IGSF11: variants seen among roughly 807,000 people sequenced by gnomAD.
The protein encoded by IGSF11 is CXADR like 1.
In IGSF11, 22 loss-of-function variants were observed where a neutral mutation model predicts 41.0. The ratio of observed to expected loss-of-function variants is 0.54; its 90% CI spans 0.38 to 0.77. IGSF11 has a LOEUF of 0.77. Among genes scored for constraint, IGSF11 ranks in the 30% least tolerant of loss-of-function variants. IGSF11 has a pLI of 0.00. For synonymous variants in IGSF11, 219 were observed against 201.3 expected (o/e 1.09, Z -0.74); for missense variants, 444 against 530.8 (o/e 0.84, Z 1.61).
At chr3:118,910,990 T>A (rs74540413) in intron 4 of IGSF11, among the ~76,000 whole-genome samples, 4,038 of 152,184 alleles carry the variant, frequency 0.027, 163 homozygotes, top group African/African-American at 0.092. Flanking sequence ...GCTATGATTT[T>A]CTCTTTATAT....
At chr3:118,988,569 GA>G (rs1454874035) in intron 1 of IGSF11, among the ~76,000 whole-genome samples, 5 of 152,116 alleles carry the variant, frequency 3.3e-5, no homozygotes, top group Non-Finnish European at 7.3e-5. Context: ...ATTGATTAAC[GA>G]TCTTTGATTA....
intron 1 of IGSF11, among the ~76,000 whole-genome samples, chr3:119,029,225 G>A (rs1210214535): frequency 9.0e-6 from 1 of 111,056 alleles, no homozygotes; most frequent in Non-Finnish European, 1.8e-5. Context: ...ACATGGTACT[G>A]CCTTTTGGGA....
At chr3:119,128,990 A>C (rs1388328630) in intron 1 of IGSF11, among the ~76,000 whole-genome samples, 1 of 152,264 alleles carries the variant, frequency 6.6e-6, no homozygotes, top group African/African-American at 2.4e-5. Context: ...GCCATAAAAA[A>C]TGAGATCGTG....
chr3:119,071,657 T>G (rs2076401996), intron 1 of IGSF11, among the ~76,000 whole-genome samples: 1 of 152,238 alleles, frequency 6.6e-6, no homozygotes, highest in Admixed American at 6.5e-5. Flanking sequence ...ATATAATTTC[T>G]GGACTTCTCA....
intron 1 of IGSF11, among the ~76,000 whole-genome samples, chr3:119,078,760 A>G (rs1026400139): frequency 2.0e-5 from 3 of 152,188 alleles, no homozygotes; most frequent in Non-Finnish European, 2.9e-5. Flanking sequence ...AAACAAAACT[A>G]TCAACAGAGC....
chr3:119,053,665 AT>A (rs1335263656), intron 1 of IGSF11, among the ~76,000 whole-genome samples: 3 of 152,180 alleles, frequency 2.0e-5, no homozygotes, highest in Non-Finnish European at 4.4e-5. Flanking sequence ...AGAAAAAATA[AT>A]CCTAAAATTT....
chr3:118,942,198 A>AC (rs1943749308), intron 1 of IGSF11, among the ~76,000 whole-genome samples: 1 of 152,236 alleles, frequency 6.6e-6, no homozygotes, highest in Non-Finnish European at 1.5e-5. Context: ...GAATCATGGA[A>AC]ATGGCTTGAA....
At chr3:119,122,928 G>C (rs1214449140) in intron 1 of IGSF11, among the ~76,000 whole-genome samples, 1 of 152,196 alleles carries the variant, frequency 6.6e-6, no homozygotes, top group African/African-American at 2.4e-5. Context: ...AGCTGTGGTG[G>C]CTATGGTGAG....
intron 1 of IGSF11, among the ~76,000 whole-genome samples, chr3:119,137,440 G>C (rs1457873027): frequency 6.6e-6 from 1 of 152,084 alleles, no homozygotes; most frequent in African/African-American, 2.4e-5. Context: ...ATTCATTTTT[G>C]ACAAAGTTTC....
At chr3:118,949,393 T>C (rs1944413094) in intron 1 of IGSF11, 1 of 149,214 alleles carries the variant, frequency 6.7e-6, no homozygotes, top group Non-Finnish European at 1.5e-5. Context: ...ACCCTATAGG[T>C]AGTCTGACCA....
chr3:118,998,427 A>C (rs1309598671), intron 1 of IGSF11, among the ~76,000 whole-genome samples: 1 of 152,204 alleles, frequency 6.6e-6, no homozygotes, highest in Non-Finnish European at 1.5e-5. Flanking sequence ...TTATCTGATC[A>C]AATTTCTTAA....
At chr3:119,117,115 T>C (rs925679276) in intron 1 of IGSF11, among the ~76,000 whole-genome samples, 29 of 152,150 alleles carry the variant, frequency 1.9e-4, no homozygotes, top group African/African-American at 6.7e-4. Context: ...TGCTACAATT[T>C]CATGGTCTCT....
chr3:118,975,712 T>C (rs1050263066), intron 1 of IGSF11, among the ~76,000 whole-genome samples: 2 of 152,330 alleles, frequency 1.3e-5, no homozygotes, highest in East Asian at 1.9e-4. Flanking sequence ...ATCATGTCCT[T>C]TGCAGCAACA....
intron 3 of IGSF11, 69 bp from the exon 4 acceptor site, chr3:118,926,325 C>T (rs1942296113): frequency 8.6e-6 from 11 of 1,276,948 alleles, no homozygotes; most frequent in Non-Finnish European, 1.2e-5. Context: ...GAGGAGACAT[C>T]AACATTCAGT....
intron 1 of IGSF11, among the ~76,000 whole-genome samples, chr3:118,978,812 TG>T (rs1192869559): frequency 6.6e-6 from 1 of 152,098 alleles, no homozygotes; most frequent in Non-Finnish European, 1.5e-5. Context: ...ATCACAAAAT[TG>T]GAAGAAGCAA....
intron 4 of IGSF11, among the ~76,000 whole-genome samples, chr3:118,908,175 C>T (rs903487187): frequency 3.9e-5 from 6 of 152,238 alleles, no homozygotes; most frequent in South Asian, 2.1e-4. Context: ...AGCTCCTCTA[C>T]GCAGCATTCT....
chr3:119,043,845 C>T (rs1941214268), intron 1 of IGSF11, among the ~76,000 whole-genome samples: 1 of 152,158 alleles, frequency 6.6e-6, no homozygotes, highest in African/African-American at 2.4e-5. Flanking sequence ...GAAGCCCCAT[C>T]CCTAGGGGAA....
intron 1 of IGSF11, among the ~76,000 whole-genome samples, chr3:118,990,853 A>G (rs902723551): frequency 6.6e-6 from 1 of 152,192 alleles, no homozygotes; most frequent in Non-Finnish European, 1.5e-5. Context: ...GGGAATCTCT[A>G]AAGGGCAAGG....
In IGSF11 at chr3:119,057,571, C is replaced by T. The variant is rs1383749993; in HGVS notation, c.49+47573G>A. ...CCCAAGGTAATTTATAGATTCAATG[C>T]CATCCCCATCAAGCTACCAATGACT... is the stretch of plus-strand genomic sequence containing the variant. On this transcript the variant is annotated intron_variant, in intron 1 of 6. Transcript: ENST00000354673. Among the ~76,000 whole-genome samples, 11 of 152,134 alleles carry T rather than the reference C, an allele frequency of 7.2e-5. 1 individual carries two copies. The East Asian group carries it at 1.2e-3, about 16-fold the overall frequency.
Sources: gnomAD v4.1 joint callset for allele counts (sites outside exome capture counted in the v4.1 genomes callset) on GRCh38, gnomAD v4.1.1 for gene constraint, MANE v1.5 for transcripts, NCBI Gene and HGNC (gene_info 2026-07-23, HGNC 2026-07-21) for gene names.